LRRC15: variants seen among roughly 807,000 people sequenced by gnomAD.
LRRC15 encodes leucine rich repeat containing 15.
Under a neutral mutation model 4.3 loss-of-function variants are expected in LRRC15, and 5 were observed. That is an observed-to-expected ratio of 1.16 (90% confidence interval 0.61 to 2.44). The LOEUF is 2.44. Ranked by LOEUF, LRRC15 falls within the 30% of genes most tolerant of loss-of-function variation. The pLI is 0.01. For missense variants in LRRC15, 769 were observed against 747.0 expected (o/e 1.03, Z -0.34); for synonymous variants, 337 against 323.2 (o/e 1.04, Z -0.46).
chr3:194,368,747 G>A (rs1713853143), intron 1 of LRRC15, among the ~76,000 whole-genome samples: 1 of 152,174 alleles, frequency 6.6e-6, no homozygotes, highest in South Asian at 2.1e-4. Flanking sequence ...CTGGGCCCGG[G>A]AGGTGGAATG....
rs1027958592 is a variant in LRRC15 at position 194,359,137 on chromosome 3, C to T, written c.*161G>A. The T allele has an allele frequency of 5.8e-5, 37 of 639,850 alleles. No individual in the cohort carries two copies. Among genetic ancestry groups the T allele is most frequent in the African/African-American group, 4.6e-4 (25 of 54,870 alleles). 39.6% of individuals were successfully genotyped at this position (639,850 alleles called of 1,614,324 possible). On this transcript the variant is annotated 3_prime_UTR_variant, in exon 2 of 2. Transcript: ENST00000347624. ...AGGTCCGGCACGACCTGCTTCTCTA[C>T]GGGAGAATCAGGCAAGTCAGGAAGA...
At chr3:194,365,806 G>T (rs191186673) in intron 1 of LRRC15, among the ~76,000 whole-genome samples, 3 of 152,148 alleles carry the variant, frequency 2.0e-5, no homozygotes, top group Admixed American at 2.0e-4. Flanking sequence ...CCCAGCCAGG[G>T]CAATCCCACT....
In LRRC15 at chr3:194,359,406, A is replaced by C. The variant is rs1168828159; in HGVS notation, c.1638T>G (p.Ile546Met). 2 of 1,614,158 alleles carry C rather than the reference A, an allele frequency of 1.2e-6. No individual in the cohort carries two copies. Among genetic ancestry groups the C allele is most frequent in the South Asian group, 2.2e-5 (2 of 91,078 alleles). Residue 546 changes from isoleucine to methionine, a missense_variant, in exon 2 of 2, where the codon ATT (isoleucine) becomes ATG (methionine). Ile to Met is a conservative substitution (Grantham distance 10). Coordinates refer to ENST00000347624, the MANE Select transcript of LRRC15 (RefSeq NM_130830.5). ...QSGLAIAAIV[I>M]GIVALACSLA... Reference sequence around the variant, plus strand: ...GGGAGCAGGCCAGGGCGACAATGCCAATTACAATGGCGGCAATGGCCAGCC... The same window carrying C: ...GGGAGCAGGCCAGGGCGACAATGCCCATTACAATGGCGGCAATGGCCAGCC...
chr3:194,363,405 G>T, intron 1 of LRRC15: 1 of 696,620 alleles, frequency 1.4e-6, no homozygotes, highest in South Asian at 1.6e-5. Context: ...GTTATGCTAG[G>T]GACACATCTG....
Position 194,360,084 on chromosome 3 carries a change from C to T in LRRC15, c.960G>A (p.Gln320=), listed in dbSNP as rs1576998545. 3 of 1,614,120 alleles carry T rather than the reference C, an allele frequency of 1.9e-6. No homozygotes were observed. The highest frequency in any genetic ancestry group is 2.5e-6 in the Non-Finnish European group (3 of 1,180,062). ...TCTGATTGCGGCTAAGAATCAGGAC[C>T]TGCAACTGGCGGAGGTTGCTGAAGA... The part of the protein sequence containing the change: ...DNVFSNLRQL[Q]VLILSRNQIS... Residue 320 remains glutamine (Q), a synonymous_variant, in exon 2 of 2, where the codon CAG becomes CAA. Transcript: ENST00000347624.
rs1232486535 is a variant in LRRC15, at chr3:194,358,380, A to C, written c.*918T>G. 1 of 152,246 alleles carries C rather than the reference A, an allele frequency of 6.6e-6. No homozygotes were observed. Among genetic ancestry groups the C allele is most frequent in the Non-Finnish European group, 1.5e-5 (1 of 68,046 alleles). The allele number at this position is 152,246 out of a possible 1,614,324, so 9.4% of individuals were successfully genotyped here. A position where few individuals can be genotyped will look rare whatever the true frequency, so the allele number is the denominator to read the frequency against. ...TACACTTCACATGCTTCAATTAAAA[A>C]TTTTAAAACAAACTCTAGGGGTGAA... On this transcript the variant is annotated 3_prime_UTR_variant, in exon 2 of 2. Transcript: ENST00000347624.
rs999524893 is a variant in LRRC15, at chr3:194,356,270, T to C, written c.*3028A>G. The C allele has an allele frequency of 6.6e-6, 1 of 152,094 alleles. No individual in the cohort carries two copies. Among genetic ancestry groups the C allele is most frequent in the Non-Finnish European group, 1.5e-5 (1 of 68,016 alleles). The allele number at this position is 152,094 out of a possible 1,614,324, so 9.4% of individuals were successfully genotyped here. On this transcript the variant is annotated 3_prime_UTR_variant, in exon 2 of 2. Transcript: ENST00000347624. ...AGTAAGCACTTTTTAAAAATAGTGGTTCTAATTGGCTTTTGTTGTTTCTTC... is the reference window on the plus strand; with the variant it reads ...AGTAAGCACTTTTTAAAAATAGTGGCTCTAATTGGCTTTTGTTGTTTCTTC...
At position 194,360,304 on chromosome 3, in the gene LRRC15, A is replaced by C; in HGVS notation, c.740T>G (p.Leu247Arg). The C allele has an allele frequency of 6.2e-7, 1 of 1,614,014 alleles. No homozygotes were observed. The change falls in exon 2 of 2, where the codon CTC becomes CGC. Residue 247 changes from leucine to arginine, a missense_variant. Transcript: ENST00000347624. ...SPGLFHNNHNLQRLYLSNNHI... is the reference protein window; with the variant it reads ...SPGLFHNNHNRQRLYLSNNHI... Reference sequence around the variant, plus strand: ...GTTGTTGGACAGGTAGAGTCTCTGGAGGTTGTGGTTGTTGTGGAAGAGACC... The same window carrying C: ...GTTGTTGGACAGGTAGAGTCTCTGGCGGTTGTGGTTGTTGTGGAAGAGACC...
intron 1 of LRRC15, among the ~76,000 whole-genome samples, chr3:194,361,731 G>T (rs1424990039): frequency 6.6e-6 from 1 of 152,212 alleles, no homozygotes; most frequent in Non-Finnish European, 1.5e-5. Flanking sequence ...AATGACTACA[G>T]TGGAAGCAGC....
At position 194,359,313 on chromosome 3, in the gene LRRC15, T is replaced by C. The variant is rs1379456381; in HGVS notation, c.1731A>G (p.Ala577=). Residue 577 remains alanine, a synonymous_variant, in exon 2 of 2, where the codon GCA becomes GCG. Transcript: ENST00000347624. Reference sequence around the variant, plus strand: ...GCCTGCCTCTTTAACACTCATTGGGTGCCTTCATCTGCATCAGGACAGCTT... The same window carrying C: ...GCCTGCCTCTTTAACACTCATTGGGCGCCTTCATCTGCATCAGGACAGCTT... ...RSQAVLMQMK[A]PNEC 5 of 1,594,412 alleles carry C rather than the reference T, an allele frequency of 3.1e-6. No homozygotes were observed. The highest frequency in any genetic ancestry group is 1.1e-5 in the South Asian group (1 of 87,264).
Position 194,355,565 on chromosome 3 carries a change from A to G in LRRC15, c.*3733T>C, listed in dbSNP as rs1218660443. 1.3e-5 allele frequency: 2 copies of G among 152,272 alleles called. No individual in the cohort carries two copies. Among genetic ancestry groups the G allele is most frequent in the East Asian group, 3.9e-4 (2 of 5,194 alleles). 9.4% of individuals were successfully genotyped at this position (152,272 alleles called of 1,614,324 possible). Reference sequence around the variant, plus strand: ...CTTGCCAGCCCACCCTCTCTGAACCACAGCCATGGCTTCCTTCCCAAGGCC... The same window carrying G: ...CTTGCCAGCCCACCCTCTCTGAACCGCAGCCATGGCTTCCTTCCCAAGGCC... On this transcript the variant is annotated 3_prime_UTR_variant, in exon 2 of 2. Transcript: ENST00000347624.
Position 194,357,556 on chromosome 3 carries a change from T to C in LRRC15, c.*1742A>G, listed in dbSNP as rs1713468417. The C allele has an allele frequency of 6.6e-6, 1 of 152,166 alleles. No individual in the cohort carries two copies. The highest frequency in any genetic ancestry group is 1.5e-5 in the Non-Finnish European group (1 of 68,048). 9.4% of individuals were successfully genotyped at this position (152,166 alleles called of 1,614,324 possible). A position where few individuals can be genotyped will look rare whatever the true frequency, so the allele number is the denominator to read the frequency against. ...TTCTTGAGCGCCATGTGAATATGTG[T>C]ATAGCAGGAAAGCCAGAGAAGGCAG... On this transcript the variant is annotated 3_prime_UTR_variant, in exon 2 of 2. Coordinates refer to ENST00000347624, the MANE Select transcript of LRRC15 (RefSeq NM_130830.5).
In LRRC15 at chr3:194,359,751, G is replaced by T. The variant is rs1189617858; in HGVS notation, c.1293C>A (p.Ile431=). 1 of 1,614,180 alleles carries T rather than the reference G, an allele frequency of 6.2e-7. No homozygotes were observed. The change falls in exon 2 of 2, where the codon ATC becomes ATA. Residue 431 remains isoleucine, a synonymous_variant. Transcript: ENST00000347624. ...GCAGGAGCCAGTTGCGGAGCGGAAG[G>T]ATGTCTGAGTCACACCTCCAGGGAT... is the stretch of plus-strand genomic sequence containing the variant. ...YDNPWRCDSD[I]LPLRNWLLLN...
Position 194,360,935 on chromosome 3 carries a change from C to T in LRRC15, c.109G>A (p.Val37Met), listed in dbSNP as rs76189552. ...ACAATGCGTGCCCCGGTGCACTCCACCTGGGAGGCCCTGGAGCAGGTACAC... is the reference window on the plus strand; with the variant it reads ...ACAATGCGTGCCCCGGTGCACTCCATCTGGGAGGCCCTGGAGCAGGTACAC... ...SECTCSRASQ[V>M]ECTGARIVAV... is the part of the protein sequence containing the mutation. The change falls in exon 2 of 2, where the codon GTG (valine) becomes ATG (methionine). Residue 37 changes from valine (V) to methionine (M), a missense_variant. Coordinates refer to ENST00000347624, the MANE Select transcript of LRRC15 (RefSeq NM_130830.5). 9.5e-5 allele frequency: 151 copies of T among 1,592,642 alleles called. No individual in the cohort carries two copies. In the East Asian group the frequency reaches 3.3e-3, roughly 35 times the overall value.
rs760403978 is a variant in LRRC15 at position 194,361,053 on chromosome 3, A to C, written c.-3-7T>G. 6.7e-7 allele frequency: 1 copy of C among 1,498,222 alleles called. No individual in the cohort carries two copies. The highest frequency in any genetic ancestry group is 8.8e-7 in the Non-Finnish European group (1 of 1,130,594). The allele number at this position is 1,498,222 out of a possible 1,614,324, so 92.8% of individuals were successfully genotyped here. A position where few individuals can be genotyped will look rare whatever the true frequency, so the allele number is the denominator to read the frequency against. Reference sequence around the variant, plus strand: ...AATGCTTCAGTGGCATAGCCTGTGCAAGGGGAGAGAGCACACGTTAGTCAG... The same window carrying C: ...AATGCTTCAGTGGCATAGCCTGTGCCAGGGGAGAGAGCACACGTTAGTCAG... On this transcript the variant is annotated splice_polypyrimidine_tract_variant and splice_region_variant and intron_variant, in intron 1 of 1. Coordinates refer to ENST00000347624, the MANE Select transcript of LRRC15 (RefSeq NM_130830.5).
At position 194,359,917 on chromosome 3, in the gene LRRC15, C is replaced by T. The variant is rs145451484; in HGVS notation, c.1127G>A (p.Arg376His). The T allele has an allele frequency of 3.3e-5, 53 of 1,614,112 alleles. No homozygotes were observed. The highest frequency in any genetic ancestry group is 1.6e-4 in the Middle Eastern group (1 of 6,062). The stretch of plus-strand genomic sequence containing the variant: ...GATATTCCCTGGGAGCTGTCTGAGG[C>T]GGTTGTTCTGCAGGGAGATGTTCTG... ...NLQNISLQNNRLRQLPGNIFA... is the reference protein window; with the variant it reads ...NLQNISLQNNHLRQLPGNIFA... Residue 376 changes from arginine to histidine, a missense_variant, in exon 2 of 2, where the codon CGC becomes CAC. Coordinates refer to ENST00000347624, the MANE Select transcript of LRRC15 (RefSeq NM_130830.5).
intron 1 of LRRC15, among the ~76,000 whole-genome samples, chr3:194,366,744 G>A (rs1384060578): frequency 2.0e-5 from 3 of 152,174 alleles, no homozygotes; most frequent in East Asian, 1.9e-4. Flanking sequence ...GGTACTTAGA[G>A]CCTGGAGCAT....
intron 1 of LRRC15, among the ~76,000 whole-genome samples, chr3:194,362,722 T>C (rs1320047341): frequency 6.6e-6 from 1 of 152,116 alleles, no homozygotes; most frequent in South Asian, 2.1e-4. Flanking sequence ...TTTCAAATGA[T>C]GGCACAGAAG....
intron 1 of LRRC15, among the ~76,000 whole-genome samples, chr3:194,362,560 G>A (rs1713660884): frequency 1.3e-5 from 2 of 152,124 alleles, no homozygotes; most frequent in Middle Eastern, 3.2e-3. Context: ...ATCACTGCCG[G>A]TCACTCATTC....
Sources: allele counts gnomAD v4.1 joint callset (sites outside exome capture counted in the v4.1 genomes callset), GRCh38; gene constraint gnomAD v4.1.1; transcripts MANE v1.5; gene names NCBI Gene and HGNC (gene_info 2026-07-23, HGNC 2026-07-21).